Variants in RHOQ observed in about 807,000 individuals in gnomAD.
RHOQ encodes the protein ras homolog family member Q.
Under a neutral mutation model 25.8 loss-of-function variants are expected in RHOQ, and 7 were observed. The ratio of observed to expected loss-of-function variants is 0.27; its 90% CI spans 0.15 to 0.51. RHOQ has a LOEUF of 0.51. Ranked by LOEUF, RHOQ falls within the 20% of genes least tolerant of loss-of-function variation. The probability of loss-of-function intolerance (pLI) is 0.97; values close to 1 mark genes in which losing one functional copy is unlikely to be tolerated. For missense variants in RHOQ, 165 were observed against 260.6 expected, an observed-to-expected ratio of 0.63 and a Z score of 2.53; for synonymous variants, 97 against 98.6, an observed-to-expected ratio of 0.98 and a Z score of 0.10.
intron 2 of RHOQ, among the ~76,000 whole-genome samples, chr2:46,546,498 A>G (rs1207489820): frequency 5.0e-5 from 1 of 20,000 alleles, no homozygotes; most frequent in Non-Finnish European, 8.8e-5. Context: ...ATATATATAT[A>G]TATATATATA....
rs374937930 is a variant in RHOQ, at chr2:46,581,159, C to A, written c.*76C>A. 6 of 1,209,936 alleles carry A rather than the reference C, an allele frequency of 5.0e-6. No individual in the cohort carries two copies. In the East Asian group the frequency reaches 9.8e-5, roughly 20 times the overall value. 75.0% of individuals were successfully genotyped at this position (1,209,936 alleles called of 1,614,324 possible). On this transcript the variant is annotated 3_prime_UTR_variant, in exon 5 of 5. Transcript: ENST00000238738. ...TGAAATGCTACAGCTATACCCAGAC[C>A]TTTTATAGGTAATGAAGCAGTTCAA... is the stretch of plus-strand genomic sequence containing the variant.
At position 46,584,566 on chromosome 2, in the gene RHOQ, A is replaced by G. The variant is rs1195525054; in HGVS notation, c.*3483A>G. Among the ~76,000 whole-genome samples, 1 of 152,204 alleles carries G rather than the reference A, an allele frequency of 6.6e-6. No homozygotes were observed. The highest frequency in any genetic ancestry group is 6.5e-5 in the Admixed American group (1 of 15,280). On this transcript the variant is annotated 3_prime_UTR_variant, in exon 5 of 5. Transcript: ENST00000238738. ...CCTCCAACAGAATGCCAAAAATGAA[A>G]TGTTAAAAAATTTTGTCTAATGAAG... is the stretch of plus-strand genomic sequence containing the variant.
intron 1 of RHOQ, 166 bp downstream of exon 1, chr2:46,543,354 ACCCCTCG>A (rs1300928810): frequency 4.4e-6 from 3 of 689,452 alleles, no homozygotes; most frequent in Non-Finnish European, 7.3e-6. Context: ...GCTCCTGGCA[ACCCCTCG>A]CCCGCTGATC....
At position 46,542,942 on chromosome 2, in the gene RHOQ, G is replaced by C; in HGVS notation, c.-105G>C. ...GGCCGGGGGGGCGGCCCTGCGGCGC[G>C]GAGCGGCGGCGACGGCGGCGGACCC... is the stretch of plus-strand genomic sequence containing the variant. On this transcript the variant is annotated 5_prime_UTR_variant, in exon 1 of 5. Transcript: ENST00000238738. 1 of 637,446 alleles carries C rather than the reference G, an allele frequency of 1.6e-6. No individual in the cohort carries two copies. The highest frequency in any genetic ancestry group is 2.0e-6 in the Non-Finnish European group (1 of 498,822). The allele number at this position is 637,446 out of a possible 1,614,324, so 39.5% of individuals were successfully genotyped here. A position where few individuals can be genotyped will look rare whatever the true frequency, so the allele number is the denominator to read the frequency against.
At position 46,543,763 on chromosome 2, in the gene RHOQ, C is replaced by T. The variant is rs745310774; in HGVS notation, c.152C>T (p.Thr51Ile). 1 of 1,613,770 alleles carries T rather than the reference C, an allele frequency of 6.2e-7. No homozygotes were observed. The highest frequency in any genetic ancestry group is 1.3e-5 in the African/African-American group (1 of 75,036). The change falls in exon 2 of 5, where the codon ACC (threonine) becomes ATC (isoleucine). Residue 51 changes from threonine to isoleucine, a missense_variant. Transcript: ENST00000238738. Reference sequence around the variant, plus strand: ...ACTTCTGTCCTTGCAGTCAGCGTCACCGTGGGGGGCAAGCAGTACCTCCTA... The same window carrying T: ...ACTTCTGTCCTTGCAGTCAGCGTCATCGTGGGGGGCAAGCAGTACCTCCTA... ...TVFDHYAVSV[T>I]VGGKQYLLGL...
At position 46,555,543 on chromosome 2, in the gene RHOQ, T is replaced by C. The variant is rs1237055286; in HGVS notation, c.201+11731T>C. On this transcript the variant is annotated intron_variant, in intron 2 of 4. Coordinates refer to ENST00000238738, the MANE Select transcript of RHOQ (RefSeq NM_012249.4). This position sits in a 1 kb window ranked among gnomAD's most constrained non-coding sequence, Gnocchi z 4.3. ...GAAATTCTGACCTGTCTGGACATTA[T>C]TGAGTGGCTTTAAAGCAGGTTATAG... Among the ~76,000 whole-genome samples, 3 of 152,194 alleles carry C rather than the reference T, an allele frequency of 2.0e-5. No individual in the cohort carries two copies. The highest frequency in any genetic ancestry group is 7.2e-5 in the African/African-American group (3 of 41,452).
At chr2:46,570,752 A>G (rs1163953807) in intron 2 of RHOQ, among the ~76,000 whole-genome samples, 1 of 152,252 alleles carries the variant, frequency 6.6e-6, no homozygotes, top group African/African-American at 2.4e-5. Context: ...TTTCAGGGAT[A>G]TTCTTACTTA....
At chr2:46,546,726 T>C (rs566901135) in intron 2 of RHOQ, among the ~76,000 whole-genome samples, 18 of 151,892 alleles carry the variant, frequency 1.2e-4, no homozygotes, top group African/African-American at 4.3e-4. Flanking sequence ...CTTTAACATA[T>C]TTAAAAGCAG....
In RHOQ at chr2:46,548,166, A is replaced by G. The variant is rs568451534; in HGVS notation, c.201+4354A>G. Among the ~76,000 whole-genome samples the G allele has an allele frequency of 2.0e-5, 3 of 152,316 alleles. No individual in the cohort carries two copies. In the South Asian group the frequency reaches 6.2e-4, roughly 32 times the overall value. On this transcript the variant is annotated intron_variant, in intron 2 of 4. Transcript: ENST00000238738. This position sits in a 1 kb window ranked among gnomAD's most constrained non-coding sequence, Gnocchi z 5.2. ...ACAAGTTCAGGGAAGCGTCCATGAC[A>G]GCTATAAATATCTTTTACTCTGGTG...
intron 2 of RHOQ, among the ~76,000 whole-genome samples, chr2:46,550,065 T>TA (rs142897249): frequency 0.022 from 3,324 of 151,846 alleles, 125 homozygotes; most frequent in African/African-American, 0.077. Flanking sequence ...CCAATTCTAC[T>TA]AAATTTTTTT....
chr2:46,554,490 C>T (rs754143275), intron 2 of RHOQ, among the ~76,000 whole-genome samples: 7 of 152,202 alleles, frequency 4.6e-5, no homozygotes, highest in Admixed American at 1.3e-4. Context: ...GGGCTCTGTT[C>T]ATTGTGGCTG....
At chr2:46,579,868 C>T (rs1669284514) in intron 4 of RHOQ, among the ~76,000 whole-genome samples, 8 of 151,188 alleles carry the variant, frequency 5.3e-5, no homozygotes, top group Admixed American at 4.0e-4. Context: ...GCCCTGAAGT[C>T]GTACTTGACC....
At chr2:46,572,157 C>T (rs1379112989) in intron 2 of RHOQ, among the ~76,000 whole-genome samples, 2 of 126,632 alleles carry the variant, frequency 1.6e-5, no homozygotes, top group Admixed American at 1.8e-4. Context: ...CACTCTGTCA[C>T]CCAGGCATGT....
intron 2 of RHOQ, among the ~76,000 whole-genome samples, chr2:46,553,260 C>T (rs1294331830): frequency 2.0e-5 from 3 of 152,154 alleles, no homozygotes; most frequent in Non-Finnish European, 2.9e-5. Flanking sequence ...CCACATCCAC[C>T]GCTGTCTTAC....
In RHOQ at chr2:46,582,926, G is replaced by A. The variant is rs1338516406; in HGVS notation, c.*1843G>A. On this transcript the variant is annotated 3_prime_UTR_variant, in exon 5 of 5. Coordinates refer to ENST00000238738, the MANE Select transcript of RHOQ (RefSeq NM_012249.4). ...GATGTCTTCTTTCTTCCAAGAAATGGTGGTTCACATTAAAGTATCATGGCC... is the reference window on the plus strand; with the variant it reads ...GATGTCTTCTTTCTTCCAAGAAATGATGGTTCACATTAAAGTATCATGGCC... 1 of 152,246 alleles carries A rather than the reference G, an allele frequency of 6.6e-6. No homozygotes were observed. The highest frequency in any genetic ancestry group is 1.5e-5 in the Non-Finnish European group (1 of 68,018). 9.4% of individuals were successfully genotyped at this position (152,246 alleles called of 1,614,324 possible). A position where few individuals can be genotyped will look rare whatever the true frequency, so the allele number is the denominator to read the frequency against.
At chr2:46,547,528 A>C (rs1668110116) in intron 2 of RHOQ, among the ~76,000 whole-genome samples, 1 of 152,242 alleles carries the variant, frequency 6.6e-6, no homozygotes. Flanking sequence ...TCAGAGCACC[A>C]CTGCCAAAGG....
chr2:46,551,206 A>G (rs1433042875), intron 2 of RHOQ, among the ~76,000 whole-genome samples: 3 of 152,194 alleles, frequency 2.0e-5, no homozygotes, highest in Admixed American at 2.0e-4. Context: ...CAGCTCCCAG[A>G]TAAGGGATTT....
At chr2:46,562,121 G>A (rs534239467) in intron 2 of RHOQ, among the ~76,000 whole-genome samples, 2 of 152,304 alleles carry the variant, frequency 1.3e-5, no homozygotes, top group African/African-American at 4.8e-5. Context: ...GGGTGGGGAT[G>A]AGAACAGGGA....
In RHOQ at chr2:46,576,578, C is replaced by T. The variant is rs750487279; in HGVS notation, c.384C>T (p.Asp128=). The change falls in exon 4 of 5, where the codon GAC becomes GAT. Residue 128 remains aspartate, a synonymous_variant. Coordinates refer to ENST00000238738, the MANE Select transcript of RHOQ (RefSeq NM_012249.4). The surrounding 1 kb of genome is among the most constrained non-coding windows in gnomAD (Gnocchi z 5.1). ...TTAATTAGATTGATCTCCGAGATGA[C>T]CCCAAAACTTTAGCAAGACTGAATG... ...LIGTQIDLRD[D]PKTLARLNDM... The T allele has an allele frequency of 1.9e-6, 3 of 1,602,956 alleles. No homozygotes were observed. Among genetic ancestry groups the T allele is most frequent in the Non-Finnish European group, 2.6e-6 (3 of 1,172,830 alleles).
Sources: gnomAD v4.1 joint callset for allele counts (sites outside exome capture counted in the v4.1 genomes callset) on GRCh38, gnomAD v4.1.1 for gene constraint, Gnocchi (gnomAD v3.1) non-coding constraint, MANE v1.5 for transcripts, NCBI Gene and HGNC (gene_info 2026-07-23, HGNC 2026-07-21) for gene names.